TRAPPC9: variants seen among roughly 807,000 people sequenced by gnomAD.
TRAPPC9 encodes the protein trafficking protein particle complex subunit 9.
A neutral mutation model predicts 124.0 loss-of-function variants in TRAPPC9; 83 were observed. The ratio of observed to expected loss-of-function variants is 0.67; its 90% CI spans 0.56 to 0.80. The LOEUF is 0.80. Among genes scored for constraint, TRAPPC9 ranks in the 30% least tolerant of loss-of-function variants. The pLI, the probability that TRAPPC9 is intolerant of heterozygous loss-of-function variation, is 0.00. For missense variants in TRAPPC9, 1,302 were observed against 1,508.3 expected (o/e 0.86, Z 2.27); for synonymous variants, 638 against 617.5 (o/e 1.03, Z -0.49).
intron 4 of TRAPPC9, among the ~76,000 whole-genome samples, chr8:140,430,719 A>G (rs2070609694): frequency 6.6e-6 from 1 of 152,076 alleles, no homozygotes; most frequent in Non-Finnish European, 1.5e-5. Flanking sequence ...GCTCACTGCA[A>G]CCTCTGCCTC....
At chr8:140,096,321 T>C (rs1486645891) in intron 17 of TRAPPC9, 2 of 152,236 alleles carry the variant, frequency 1.3e-5, no homozygotes, top group African/African-American at 2.4e-5. Flanking sequence ...TAGATTTTAC[T>C]CTGAGCAGCT....
At chr8:140,434,833 G>A (rs1314193243) in intron 4 of TRAPPC9, among the ~76,000 whole-genome samples, 2 of 152,098 alleles carry the variant, frequency 1.3e-5, no homozygotes, top group Non-Finnish European at 2.9e-5. Flanking sequence ...AGCCATGTGT[G>A]GTGGCGGGCG....
intron 21 of TRAPPC9, among the ~76,000 whole-genome samples, chr8:139,809,334 G>A (rs10875445): frequency 0.44 from 67,175 of 152,050 alleles, 15,399 homozygotes; most frequent in Non-Finnish European, 0.51. Flanking sequence ...GGAGTGAAGC[G>A]TCCTCTTCTA....
At chr8:139,758,133 G>A (rs11997940) in intron 21 of TRAPPC9, among the ~76,000 whole-genome samples, 19,935 of 152,252 alleles carry the variant, frequency 0.13, 1,804 homozygotes, top group African/African-American at 0.26. Flanking sequence ...CCGTGACAGC[G>A]GGGAGGCCAA....
intron 19 of TRAPPC9, among the ~76,000 whole-genome samples, chr8:139,957,105 A>T (rs999174721): frequency 6.6e-6 from 1 of 152,226 alleles, no homozygotes; most frequent in African/African-American, 2.4e-5. Context: ...AAGCCACAAG[A>T]TTTTCCTCAC....
Position 140,063,034 on chromosome 8 carries a change from C to A in TRAPPC9, c.2557-38955G>T, listed in dbSNP as rs1247866688. On this transcript the variant is annotated intron_variant, in intron 17 of 22. Transcript: ENST00000438773. The surrounding 1 kb of genome is among the most constrained non-coding windows in gnomAD (Gnocchi z 4.3). ...TAAAGGGGAAGCAAGGGACCTTCTT[C>A]AGAAGGCGGCAGGAAGGAGAAGTGA... Among the ~76,000 whole-genome samples, 2 of 152,104 alleles carry A rather than the reference C, an allele frequency of 1.3e-5. No individual in the cohort carries two copies. Among genetic ancestry groups the A allele is most frequent in the Non-Finnish European group, 2.9e-5 (2 of 68,020 alleles).
At chr8:140,275,167 A>G (rs955169503) in intron 15 of TRAPPC9, among the ~76,000 whole-genome samples, 2 of 152,208 alleles carry the variant, frequency 1.3e-5, no homozygotes, top group African/African-American at 4.8e-5. Flanking sequence ...CCAAGAGGAA[A>G]TCGAGGCACA....
chr8:139,747,659 G>A (rs1253424042), intron 21 of TRAPPC9, among the ~76,000 whole-genome samples: 3 of 31,242 alleles, frequency 9.6e-5, no homozygotes, highest in Non-Finnish European at 1.7e-4. Flanking sequence ...AGGTGTCACA[G>A]CAGGTTGGGG....
In TRAPPC9 at chr8:139,861,766, T is replaced by C. The variant is rs148462141; in HGVS notation, c.3055+24113A>G. On this transcript the variant is annotated intron_variant, in intron 21 of 22. Transcript: ENST00000438773. ...ACAGACCCCCTGAGTCTCCAAGCCT[T>C]GGTCTCCACATGGGAAAACGTGAAG... Among the ~76,000 whole-genome samples, 230 of 152,212 alleles carry C rather than the reference T, an allele frequency of 1.5e-3. 1 individual carries two copies. Among genetic ancestry groups the C allele is most frequent in the Middle Eastern group, 6.8e-3 (2 of 294 alleles).
intron 16 of TRAPPC9, among the ~76,000 whole-genome samples, chr8:140,232,653 G>A (rs1444428780): frequency 6.6e-6 from 1 of 152,144 alleles, no homozygotes; most frequent in African/African-American, 2.4e-5. Flanking sequence ...CAACAGCACG[G>A]AGGTTCCAAT....
chr8:139,953,408 G>A (rs182864395), intron 19 of TRAPPC9, among the ~76,000 whole-genome samples: 54 of 152,248 alleles, frequency 3.5e-4, no homozygotes, highest in African/African-American at 7.5e-4. Flanking sequence ...CAAGAGAATC[G>A]CTTGAACCCA....
intron 21 of TRAPPC9, among the ~76,000 whole-genome samples, chr8:139,747,665 T>A (rs562792977): frequency 8.9e-3 from 59 of 6,618 alleles, no homozygotes; most frequent in African/African-American, 0.043. Context: ...CACAGCAGGT[T>A]GGGGGGGCAT....
chr8:139,976,138 G>T (rs1026534104), intron 19 of TRAPPC9, among the ~76,000 whole-genome samples: 2 of 151,814 alleles, frequency 1.3e-5, no homozygotes, highest in Non-Finnish European at 2.9e-5. Flanking sequence ...TGATCCGCTC[G>T]CCTCAGCCTC....
At chr8:139,934,314 G>GTAGC (rs1833380363) in intron 19 of TRAPPC9, among the ~76,000 whole-genome samples, 1 of 151,990 alleles carries the variant, frequency 6.6e-6, no homozygotes, top group African/African-American at 2.4e-5. Context: ...GAAGATGAGA[G>GTAGC]TAGCTGTACG....
intron 17 of TRAPPC9, among the ~76,000 whole-genome samples, chr8:140,199,431 G>T (rs541972399): frequency 7.9e-5 from 12 of 151,362 alleles, no homozygotes; most frequent in South Asian, 2.1e-4. Context: ...AAATAATTAT[G>T]CAGACAAGTT....
chr8:140,146,302 T>A (rs1347043086), intron 17 of TRAPPC9, among the ~76,000 whole-genome samples: 1 of 152,270 alleles, frequency 6.6e-6, no homozygotes, highest in Non-Finnish European at 1.5e-5. Flanking sequence ...TACATGCCAC[T>A]GCACATGCAG....
At chr8:140,311,218 G>A (rs1462693877) in intron 10 of TRAPPC9, 30 bp downstream of exon 10, 1 of 1,606,368 alleles carries the variant, frequency 6.2e-7, no homozygotes, top group South Asian at 1.1e-5. Flanking sequence ...GAGGGCAGCT[G>A]CCTTTCCGGC....
At chr8:139,766,546 G>A (rs1188798410) in intron 21 of TRAPPC9, among the ~76,000 whole-genome samples, 1 of 152,190 alleles carries the variant, frequency 6.6e-6, no homozygotes, top group Non-Finnish European at 1.5e-5. Context: ...ACTGACTTCT[G>A]CACCAGGGGC....
intron 19 of TRAPPC9, among the ~76,000 whole-genome samples, chr8:139,968,736 G>A (rs1032753222): frequency 1.3e-5 from 2 of 152,210 alleles, no homozygotes; most frequent in African/African-American, 4.8e-5. Flanking sequence ...ACAAGAGCGA[G>A]TCACCCAACT....
Sources: gnomAD v4.1 joint callset for allele counts (sites outside exome capture counted in the v4.1 genomes callset) on GRCh38, gnomAD v4.1.1 for gene constraint, Gnocchi (gnomAD v3.1) non-coding constraint, MANE v1.5 for transcripts, NCBI Gene and HGNC (gene_info 2026-07-23, HGNC 2026-07-21) for gene names.